The following ITPR2 variants were observed in gnomAD, a reference collection of about 807,000 sequenced individuals.
The protein encoded by ITPR2 is inositol 1,4,5-trisphosphate-gated calcium channel ITPR2.
Under a neutral mutation model 317.1 loss-of-function variants are expected in ITPR2, and 207 were observed. That is an observed-to-expected ratio of 0.65 (90% CI 0.58 to 0.73). ITPR2 has a LOEUF of 0.73. Ranked by LOEUF, ITPR2 falls within the 30% of genes least tolerant of loss-of-function variation. ITPR2 has a pLI of 0.00. For synonymous variants in ITPR2, 1,156 were observed against 1,149.1 expected, an observed-to-expected ratio of 1.01 and a Z score of -0.12; for missense variants, 2,613 against 3,284.0, an observed-to-expected ratio of 0.80 and a Z score of 4.99.
intron 1 of ITPR2, among the ~76,000 whole-genome samples, chr12:26,808,188 G>A (rs1258853064): frequency 1.3e-5 from 2 of 152,208 alleles, no homozygotes; most frequent in African/African-American, 4.8e-5. Context: ...AGCCAAGAAA[G>A]AGAGGCAAAA....
intron 45 of ITPR2, among the ~76,000 whole-genome samples, chr12:26,447,921 A>G (rs1553362): frequency 0.88 from 133,785 of 151,238 alleles, 59,258 homozygotes; most frequent in South Asian, 0.9. Flanking sequence ...AAGATATTCG[A>G]TTGTCTTAGT....
intron 34 of ITPR2, among the ~76,000 whole-genome samples, chr12:26,574,297 G>C (rs1364746932): frequency 1.3e-5 from 2 of 149,722 alleles, no homozygotes; most frequent in Non-Finnish European, 3.0e-5. Context: ...TCTTTTCTTT[G>C]TCTAAATATT....
chr12:26,740,111 A>T (rs984108118), intron 2 of ITPR2, among the ~76,000 whole-genome samples: 3 of 152,188 alleles, frequency 2.0e-5, no homozygotes, highest in Admixed American at 2.0e-4. Context: ...AATTAAATCT[A>T]GTGAGATAAA....
At chr12:26,699,997 T>C (rs1376296384) in intron 9 of ITPR2, among the ~76,000 whole-genome samples, 1 of 152,190 alleles carries the variant, frequency 6.6e-6, no homozygotes, top group Non-Finnish European at 1.5e-5. Context: ...ATAGAGCATC[T>C]ATAATGGGCA....
chr12:26,460,421 C>G (rs550914702), intron 45 of ITPR2, among the ~76,000 whole-genome samples: 1 of 152,094 alleles, frequency 6.6e-6, no homozygotes, highest in African/African-American at 2.4e-5. Context: ...GTATAAGTGG[C>G]AGAGGTTAAT....
chr12:26,385,697 G>A (rs1219594932), intron 55 of ITPR2, among the ~76,000 whole-genome samples: 2 of 152,156 alleles, frequency 1.3e-5, no homozygotes, highest in Admixed American at 6.5e-5. Context: ...GATCCCCTGA[G>A]TGTCCAAGTG....
rs567193315 is a variant in ITPR2 at position 26,581,875 on chromosome 12, T to A, written c.4381-1720A>T. 3.3e-5 allele frequency among the ~76,000 whole-genome samples: 5 copies of A among 152,302 alleles called. No individual in the cohort carries two copies. In the East Asian group the frequency reaches 9.6e-4, roughly 29 times the overall value. ...TCATAACCAAAACAAACGACCTCCC[T>A]CATTCAGTGACATTTCATGCAATTG... On this transcript the variant is annotated intron_variant, in intron 32 of 56. Coordinates refer to ENST00000381340, the MANE Select transcript of ITPR2 (RefSeq NM_002223.4).
intron 45 of ITPR2, among the ~76,000 whole-genome samples, chr12:26,450,797 A>G (rs1340449754): frequency 1.3e-5 from 2 of 152,104 alleles, no homozygotes; most frequent in Non-Finnish European, 2.9e-5. Context: ...CTTTTCTCAA[A>G]GAGGAGATAG....
chr12:26,696,030 T>G (rs955074329), intron 9 of ITPR2, among the ~76,000 whole-genome samples: 1 of 152,082 alleles, frequency 6.6e-6, no homozygotes, highest in South Asian at 2.1e-4. Flanking sequence ...ACATTGATGA[T>G]TTGAGATCAT....
At chr12:26,793,224 T>C (rs1950374489) in intron 1 of ITPR2, among the ~76,000 whole-genome samples, 1 of 152,344 alleles carries the variant, frequency 6.6e-6, no homozygotes. Context: ...CTTTGGTCTA[T>C]GAGAAGAAAA....
At chr12:26,438,400 T>C (rs537111807) in intron 47 of ITPR2, among the ~76,000 whole-genome samples, 19 of 152,284 alleles carry the variant, frequency 1.2e-4, no homozygotes, top group Admixed American at 5.9e-4. Flanking sequence ...ATCCTGTTTG[T>C]CTAGAAAACT....
intron 37 of ITPR2, among the ~76,000 whole-genome samples, chr12:26,540,205 C>A (rs957426513): frequency 6.6e-6 from 1 of 152,102 alleles, no homozygotes; most frequent in Non-Finnish European, 1.5e-5. Context: ...TTTAAAATGG[C>A]AGTACATACA....
intron 45 of ITPR2, among the ~76,000 whole-genome samples, chr12:26,474,469 T>C (rs1942363622): frequency 6.6e-6 from 1 of 152,154 alleles, no homozygotes; most frequent in South Asian, 2.1e-4. Flanking sequence ...CAGGCACCTG[T>C]TTAAGTTATA....
chr12:26,715,153 A>G (rs1043189833), intron 8 of ITPR2, 146 bp downstream of exon 8: 2 of 664,208 alleles, frequency 3.0e-6, no homozygotes, highest in African/African-American at 3.7e-5. Flanking sequence ...TGGTCACAGC[A>G]ATGAATAGGC....
chr12:26,634,242 A>T (rs1946815716), intron 21 of ITPR2, among the ~76,000 whole-genome samples: 1 of 152,206 alleles, frequency 6.6e-6, no homozygotes, highest in African/African-American at 2.4e-5. Context: ...AGCTTGAAAA[A>T]CATGAAGTCA....
At chr12:26,379,302 A>G (rs1939435526) in intron 55 of ITPR2, among the ~76,000 whole-genome samples, 1 of 152,218 alleles carries the variant, frequency 6.6e-6, no homozygotes, top group Non-Finnish European at 1.5e-5. Context: ...ACAGGCACTT[A>G]TCTAATGTCA....
chr12:26,457,163 G>A (rs1048774911), intron 45 of ITPR2, among the ~76,000 whole-genome samples: 10 of 152,136 alleles, frequency 6.6e-5, no homozygotes, highest in East Asian at 5.8e-4. Flanking sequence ...AAAATAAAGC[G>A]GAGGACGGAA....
At chr12:26,581,861 A>G (rs1360585428) in intron 32 of ITPR2, among the ~76,000 whole-genome samples, 2 of 152,168 alleles carry the variant, frequency 1.3e-5, no homozygotes, top group African/African-American at 2.4e-5. Flanking sequence ...CATAACCAAA[A>G]CAAACGACCT....
intron 49 of ITPR2, among the ~76,000 whole-genome samples, chr12:26,423,243 T>G (rs776446764): frequency 2.0e-5 from 3 of 152,166 alleles, no homozygotes; most frequent in Non-Finnish European, 4.4e-5. Context: ...TTACTCCAAA[T>G]ATATCACTGA....
Sources: gnomAD v4.1 joint callset for allele counts (sites outside exome capture counted in the v4.1 genomes callset) on GRCh38, gnomAD v4.1.1 for gene constraint, MANE v1.5 for transcripts, NCBI Gene and HGNC (gene_info 2026-07-23, HGNC 2026-07-21) for gene names.